The following MAD1L1 variants were observed in gnomAD, a reference collection of about 807,000 sequenced individuals.
MAD1L1 encodes the protein mitotic arrest deficient 1 like 1.
Under a neutral mutation model 96.9 loss-of-function variants are expected in MAD1L1, and 95 were observed. The observed-to-expected ratio is 0.98, with a 90% CI of 0.83 to 1.16. MAD1L1 has a LOEUF of 1.16. Among genes scored for constraint, MAD1L1 ranks in the 50% most tolerant of loss-of-function variants. The pLI is 0.00. For synonymous variants in MAD1L1, 473 were observed against 396.6 expected (o/e 1.19, Z -2.29); for missense variants, 1,007 against 954.4 (o/e 1.06, Z -0.73).
intron 18 of MAD1L1, among the ~76,000 whole-genome samples, chr7:1,887,321 G>A (rs576289732): frequency 1.3e-5 from 2 of 151,986 alleles, no homozygotes; most frequent in Admixed American, 1.3e-4. Flanking sequence ...GTGCATGCAT[G>A]CGCATGCGTG....
At chr7:2,197,935 C>A (rs1792079554) in intron 10 of MAD1L1, among the ~76,000 whole-genome samples, 1 of 152,280 alleles carries the variant, frequency 6.6e-6, no homozygotes, top group African/African-American at 2.4e-5. Context: ...AGGCCCCAGC[C>A]TGTGACTGAC....
intron 11 of MAD1L1, among the ~76,000 whole-genome samples, chr7:2,087,411 G>A (rs534461681): frequency 2.2e-4 from 33 of 152,062 alleles, no homozygotes; most frequent in Admixed American, 1.2e-3. Flanking sequence ...CTGGTGGCGC[G>A]CGCCTGTAAT....
chr7:1,883,231 G>A (rs1232093020), intron 18 of MAD1L1, among the ~76,000 whole-genome samples: 4 of 152,192 alleles, frequency 2.6e-5, no homozygotes, highest in South Asian at 2.1e-4. Context: ...TGCCACAAAC[G>A]GCCCCAGGAA....
chr7:1,830,134 C>T (rs1319014673), intron 18 of MAD1L1, among the ~76,000 whole-genome samples: 6 of 152,206 alleles, frequency 3.9e-5, no homozygotes, highest in Non-Finnish European at 8.8e-5. Context: ...CGGTGGCTCA[C>T]GCCTGTAATC....
chr7:2,148,865 C>T lies in MAD1L1; in HGVS notation c.1073+287G>A, dbSNP rs542205016. Among the ~76,000 whole-genome samples, 44 of 152,288 alleles carry T rather than the reference C, an allele frequency of 2.9e-4. 1 individual carries two copies. The South Asian group carries it at 7.7e-3, about 27-fold the overall frequency. ...CTGGGAAGACAAGAACCCTCCTGATCCAAGGAGGGACCCCACAACAGGAGG... is the reference window on the plus strand; with the variant it reads ...CTGGGAAGACAAGAACCCTCCTGATTCAAGGAGGGACCCCACAACAGGAGG... On this transcript the variant is annotated intron_variant, in intron 11 of 18. Coordinates refer to ENST00000265854, the MANE Select transcript of MAD1L1 (RefSeq NM_001013836.2).
At chr7:1,911,614 G>A (rs1788019459) in intron 17 of MAD1L1, among the ~76,000 whole-genome samples, 2 of 152,236 alleles carry the variant, frequency 1.3e-5, no homozygotes, top group African/African-American at 4.8e-5. Flanking sequence ...CTTCTGCAAG[G>A]CCAGACTCCG....
intron 14 of MAD1L1, among the ~76,000 whole-genome samples, chr7:1,983,179 C>G (rs1781004634): frequency 1.3e-5 from 2 of 150,684 alleles, no homozygotes; most frequent in African/African-American, 5.0e-5. Flanking sequence ...CACACACACA[C>G]ACACACACAG....
chr7:2,047,547 A>G (rs1412076521), intron 12 of MAD1L1, among the ~76,000 whole-genome samples: 2 of 152,218 alleles, frequency 1.3e-5, no homozygotes, highest in Non-Finnish European at 2.9e-5. Context: ...GCTGTTTAAT[A>G]ACTATCACAA....
At chr7:2,145,513 A>G (rs1253641300) in intron 11 of MAD1L1, among the ~76,000 whole-genome samples, 3 of 152,312 alleles carry the variant, frequency 2.0e-5, no homozygotes, top group Admixed American at 2.0e-4. Flanking sequence ...TCACCAGTAA[A>G]AGGGGTCAAA....
At chr7:1,858,448 G>T (rs1334413336) in intron 18 of MAD1L1, among the ~76,000 whole-genome samples, 1 of 152,240 alleles carries the variant, frequency 6.6e-6, no homozygotes, top group African/African-American at 2.4e-5. Flanking sequence ...CCACCCAGGG[G>T]CTCTGCGTGT....
intron 17 of MAD1L1, among the ~76,000 whole-genome samples, chr7:1,910,440 C>T (rs1038102680): frequency 3.3e-5 from 5 of 152,252 alleles, no homozygotes; most frequent in African/African-American, 7.2e-5. Flanking sequence ...CAGCACAGGG[C>T]CACCTCTGCG....
At chr7:2,009,822 G>A (rs1336430744) in intron 13 of MAD1L1, among the ~76,000 whole-genome samples, 3 of 152,318 alleles carry the variant, frequency 2.0e-5, no homozygotes, top group African/African-American at 7.2e-5. Context: ...GCCCAGCAAC[G>A]TCAGCTCCTG....
intron 12 of MAD1L1, among the ~76,000 whole-genome samples, chr7:2,027,258 C>T (rs1408762008): frequency 1.3e-5 from 2 of 152,210 alleles, no homozygotes; most frequent in Non-Finnish European, 2.9e-5. Context: ...CAGATGCTTT[C>T]ACTGGTACAC....
chr7:2,135,336 A>G (rs1442399502), intron 11 of MAD1L1, among the ~76,000 whole-genome samples: 5 of 152,220 alleles, frequency 3.3e-5, no homozygotes, highest in African/African-American at 1.2e-4. Context: ...TTCACCAGAC[A>G]CTGAAGAGAT....
intron 18 of MAD1L1, among the ~76,000 whole-genome samples, chr7:1,871,324 G>A (rs868564693): frequency 6.6e-4 from 89 of 135,506 alleles, no homozygotes; most frequent in African/African-American, 2.4e-3. Flanking sequence ...CGCCTGCCAC[G>A]CTGAACCCAC....
chr7:2,217,612 G>A (rs142308740), intron 7 of MAD1L1, among the ~76,000 whole-genome samples: 120 of 152,356 alleles, frequency 7.9e-4, no homozygotes, highest in African/African-American at 2.8e-3. Context: ...CAGATGCCCT[G>A]ACTGAGACCC....
At chr7:2,096,742 C>T (rs1484710555) in intron 11 of MAD1L1, among the ~76,000 whole-genome samples, 1 of 152,122 alleles carries the variant, frequency 6.6e-6, no homozygotes, top group Admixed American at 6.5e-5. Context: ...TTCACGAGGC[C>T]CAGCCACAGA....
intron 12 of MAD1L1, among the ~76,000 whole-genome samples, chr7:2,032,696 C>T (rs1290310320): frequency 1.3e-5 from 2 of 152,148 alleles, no homozygotes; most frequent in Non-Finnish European, 2.9e-5. Context: ...CCCTGTGCTG[C>T]TTCTGGCATT....
chr7:2,006,304 C>A (rs1045042872), intron 13 of MAD1L1, among the ~76,000 whole-genome samples: 4 of 151,936 alleles, frequency 2.6e-5, no homozygotes, highest in Non-Finnish European at 5.9e-5. Flanking sequence ...TACATGGGAG[C>A]GGGTGTGGAC....
Sources: allele counts gnomAD v4.1 joint callset (sites outside exome capture counted in the v4.1 genomes callset), GRCh38; gene constraint gnomAD v4.1.1; transcripts MANE v1.5; gene names NCBI Gene and HGNC (gene_info 2026-07-23, HGNC 2026-07-21).